The following CCDC85A variants were observed in gnomAD, a reference collection of about 807,000 sequenced individuals.
The protein encoded by CCDC85A is coiled-coil domain containing 85A.
CCDC85A carries 38 observed loss-of-function variants against 50.2 expected under a neutral mutation model. The observed-to-expected ratio is 0.76, with a 90% CI of 0.58 to 0.99. The LOEUF is 0.99. Among genes scored for constraint, CCDC85A ranks in the 50% least tolerant of loss-of-function variants. The pLI is 0.00. For missense variants in CCDC85A, 820 were observed against 742.0 expected, an observed-to-expected ratio of 1.11 and a Z score of -1.22; for synonymous variants, 366 against 301.4, an observed-to-expected ratio of 1.21 and a Z score of -2.22.
At chr2:56,234,977 T>G (rs754801982) in intron 2 of CCDC85A, among the ~76,000 whole-genome samples, 17 of 152,332 alleles carry the variant, frequency 1.1e-4, no homozygotes, top group Admixed American at 5.2e-4. Flanking sequence ...TCTCAGGTTG[T>G]GAAAAACAGT....
intron 2 of CCDC85A, among the ~76,000 whole-genome samples, chr2:56,269,516 C>G (rs1166024968): frequency 6.6e-6 from 1 of 152,048 alleles, no homozygotes. Flanking sequence ...AGTGTGGGTC[C>G]CAAGGCTTAA....
intron 2 of CCDC85A, among the ~76,000 whole-genome samples, chr2:56,249,864 A>G (rs551119983): frequency 6.6e-6 from 1 of 152,246 alleles, no homozygotes; most frequent in South Asian, 2.1e-4. Context: ...AAACTTTCTG[A>G]AGGTTCAGCA....
intron 2 of CCDC85A, among the ~76,000 whole-genome samples, chr2:56,286,850 G>A (rs907670464): frequency 2.0e-5 from 3 of 152,148 alleles, no homozygotes; most frequent in African/African-American, 7.2e-5. Context: ...AAAGGAAATT[G>A]AATTTTCTTC....
chr2:56,358,358 T>A (rs1675341000), intron 3 of CCDC85A, among the ~76,000 whole-genome samples: 1 of 152,218 alleles, frequency 6.6e-6, no homozygotes. Context: ...CAATAAACAG[T>A]TACTCAGCAA....
At chr2:56,302,052 TG>T (rs1672230992) in intron 2 of CCDC85A, among the ~76,000 whole-genome samples, 1 of 152,018 alleles carries the variant, frequency 6.6e-6, no homozygotes, top group African/African-American at 2.4e-5. Flanking sequence ...GGTCAGGAGT[TG>T]GAGACCAGCC....
intron 2 of CCDC85A, among the ~76,000 whole-genome samples, chr2:56,210,580 C>T (rs1022673198): frequency 1.3e-5 from 2 of 152,052 alleles, no homozygotes; most frequent in Admixed American, 6.6e-5. Context: ...GACTTACATT[C>T]TGAAGGCTGG....
chr2:56,301,432 C>A (rs4671279), intron 2 of CCDC85A, among the ~76,000 whole-genome samples: 1 of 152,114 alleles, frequency 6.6e-6, no homozygotes, highest in Non-Finnish European at 1.5e-5. Flanking sequence ...TGTTCTCAAT[C>A]GTAATTTTTT....
At chr2:56,203,566 A>T (rs1676832798) in intron 2 of CCDC85A, among the ~76,000 whole-genome samples, 1 of 152,136 alleles carries the variant, frequency 6.6e-6, no homozygotes, top group Admixed American at 6.5e-5. Context: ...TTTTTGCCAG[A>T]GTCTGCACAG....
intron 2 of CCDC85A, among the ~76,000 whole-genome samples, chr2:56,336,343 G>A (rs565595253): frequency 1.3e-5 from 2 of 152,044 alleles, no homozygotes; most frequent in South Asian, 2.1e-4. Context: ...TAGTAGATAC[G>A]GGGTTTCACC....
At chr2:56,206,383 T>G (rs1676959920) in intron 2 of CCDC85A, among the ~76,000 whole-genome samples, 1 of 152,166 alleles carries the variant, frequency 6.6e-6, no homozygotes, top group Non-Finnish European at 1.5e-5. Flanking sequence ...GTGTTGCTAT[T>G]CCAGAATACC....
intron 2 of CCDC85A, among the ~76,000 whole-genome samples, chr2:56,315,177 T>C (rs1672866496): frequency 6.6e-6 from 1 of 152,164 alleles, no homozygotes. Flanking sequence ...ATTCTGCCCA[T>C]CCCATTCCAC....
intron 2 of CCDC85A, among the ~76,000 whole-genome samples, chr2:56,230,583 C>G (rs56265195): frequency 0.37 from 56,198 of 152,050 alleles, 12,015 homozygotes; most frequent in East Asian, 0.58. Flanking sequence ...TCACGTCTGC[C>G]CATGGCTGAT....
intron 2 of CCDC85A, among the ~76,000 whole-genome samples, chr2:56,339,467 A>G (rs1288719391): frequency 6.6e-6 from 1 of 152,252 alleles, no homozygotes; most frequent in Non-Finnish European, 1.5e-5. Flanking sequence ...TCAGATATAT[A>G]AACTGCAAAG....
chr2:56,216,774 G>T, intron 2 of CCDC85A, among the ~76,000 whole-genome samples: 1 of 144,270 alleles, frequency 6.9e-6, no homozygotes, highest in Non-Finnish European at 1.5e-5. Flanking sequence ...CCTTTTATGA[G>T]CTCTTCTAGC....
chr2:56,216,514 T>C (rs1677399367), intron 2 of CCDC85A, among the ~76,000 whole-genome samples: 1 of 151,890 alleles, frequency 6.6e-6, no homozygotes, highest in African/African-American at 2.4e-5. Flanking sequence ...TGAATGTTTA[T>C]CGACATTAAT....
intron 2 of CCDC85A, among the ~76,000 whole-genome samples, chr2:56,256,819 A>T (rs539914226): frequency 6.6e-6 from 1 of 152,330 alleles, no homozygotes; most frequent in African/African-American, 2.4e-5. Context: ...AGCCCTGCAG[A>T]CTCGTCTGAA....
At chr2:56,275,118 G>C (rs1488156397) in intron 2 of CCDC85A, among the ~76,000 whole-genome samples, 1 of 151,892 alleles carries the variant, frequency 6.6e-6, no homozygotes, top group African/African-American at 2.4e-5. Flanking sequence ...TTTTGTTGTT[G>C]TTAGTGGGGG....
In CCDC85A at chr2:56,238,968, A is replaced by G. The variant is rs186325916; in HGVS notation, c.1240+45528A>G. Among the ~76,000 whole-genome samples, 3 of 152,276 alleles carry G rather than the reference A, an allele frequency of 2.0e-5. No individual in the cohort carries two copies. In the East Asian group the frequency reaches 5.8e-4, roughly 29 times the overall value. ...TTATCCTTATGAGATGGAGCATCAT[A>G]CTGATATGCTCACTACTTATCCAAG... On this transcript the variant is annotated intron_variant, in intron 2 of 5. Transcript: ENST00000407595.
chr2:56,204,307 T>C (rs143245538), intron 2 of CCDC85A, among the ~76,000 whole-genome samples: 212 of 152,332 alleles, frequency 1.4e-3, no homozygotes, highest in African/African-American at 4.8e-3. Flanking sequence ...ATTCACTGTT[T>C]TGGAATAATA....
Sources: gnomAD v4.1 joint callset for allele counts (sites outside exome capture counted in the v4.1 genomes callset) on GRCh38, gnomAD v4.1.1 for gene constraint, MANE v1.5 for transcripts, NCBI Gene and HGNC (gene_info 2026-07-23, HGNC 2026-07-21) for gene names.